Variants in TENM2 observed in about 807,000 individuals in gnomAD.
TENM2 encodes the protein teneurin transmembrane protein 2, also known as teneurin-2.
Under a neutral mutation model 245.2 loss-of-function variants are expected in TENM2, and 52 were observed. The ratio of observed to expected loss-of-function variants is 0.21; its 90% CI spans 0.17 to 0.27. The LOEUF is 0.27. Ranked by LOEUF, TENM2 falls within the 10% of genes least tolerant of loss-of-function variation. The pLI is 1.00. For synonymous variants in TENM2, 1,363 were observed against 1,438.9 expected, an observed-to-expected ratio of 0.95 and a Z score of 1.19; for missense variants, 3,046 against 3,666.8, an observed-to-expected ratio of 0.83 and a Z score of 4.37.
intron 4 of TENM2, among the ~76,000 whole-genome samples, chr5:167,968,934 C>G (rs1290341678): frequency 6.6e-6 from 1 of 152,174 alleles, no homozygotes. Flanking sequence ...TTCTTGTACT[C>G]AGTCATCTTT....
the TENM2 span, among the ~76,000 whole-genome samples, chr5:167,240,870 A>G: frequency 6.6e-6 from 1 of 152,168 alleles, no homozygotes; most frequent in South Asian, 2.1e-4. Context: ...CCTCGTGTCC[A>G]TTCTTGAGCC....
intron 2 of TENM2, among the ~76,000 whole-genome samples, chr5:167,686,737 G>A (rs1455200839): frequency 6.6e-6 from 1 of 152,158 alleles, no homozygotes; most frequent in Admixed American, 6.5e-5. Context: ...GAGGTTTGCT[G>A]GGATGCCTGG....
chr5:167,752,143 G>A (rs1354652011), intron 2 of TENM2, among the ~76,000 whole-genome samples: 1 of 152,018 alleles, frequency 6.6e-6, no homozygotes, highest in Non-Finnish European at 1.5e-5. Flanking sequence ...CACCCAGGCT[G>A]GAGTACAGTG....
At chr5:167,802,970 A>G (rs937667059) in intron 2 of TENM2, among the ~76,000 whole-genome samples, 6 of 152,162 alleles carry the variant, frequency 3.9e-5, no homozygotes, top group Non-Finnish European at 8.8e-5. Context: ...AGAAAATCAA[A>G]TGAGTATTTG....
the TENM2 span, among the ~76,000 whole-genome samples, chr5:167,086,787 A>G: frequency 0.021 from 3,236 of 152,222 alleles, 114 homozygotes; most frequent in African/African-American, 0.073. Flanking sequence ...GGGAGATGAG[A>G]CACTAAAAAA....
At chr5:167,638,143 G>A (rs1779336201) in intron 2 of TENM2, among the ~76,000 whole-genome samples, 2 of 107,580 alleles carry the variant, frequency 1.9e-5, no homozygotes, top group African/African-American at 7.3e-5. Flanking sequence ...GTGTGTGTGT[G>A]TCAGGGGGCA....
intron 6 of TENM2, among the ~76,000 whole-genome samples, chr5:168,052,824 A>C (rs1789224995): frequency 6.6e-6 from 1 of 152,208 alleles, no homozygotes; most frequent in Non-Finnish European, 1.5e-5. Flanking sequence ...CCCTTTGAAA[A>C]AAAAAATTAG....
the TENM2 span, among the ~76,000 whole-genome samples, chr5:167,218,915 C>T: frequency 1.3e-5 from 2 of 152,226 alleles, no homozygotes; most frequent in East Asian, 3.9e-4. Context: ...AGTTGAGGCA[C>T]AGAGAATTGA....
intron 3 of TENM2, among the ~76,000 whole-genome samples, chr5:167,941,918 A>G (rs1779213714): frequency 6.6e-6 from 1 of 150,772 alleles, no homozygotes; most frequent in Non-Finnish European, 1.5e-5. Flanking sequence ...CCAACATCTC[A>G]AAAAACAGGC....
At chr5:167,598,579 C>T (rs1034943903) in intron 2 of TENM2, among the ~76,000 whole-genome samples, 2 of 152,100 alleles carry the variant, frequency 1.3e-5, no homozygotes, top group African/African-American at 4.8e-5. Context: ...TGGGTGACCC[C>T]GTGTTGGAAA....
At chr5:167,070,882 C>G in the TENM2 span, among the ~76,000 whole-genome samples, 1 of 152,270 alleles carries the variant, frequency 6.6e-6, no homozygotes, top group East Asian at 1.9e-4. Flanking sequence ...TGTAGAATAA[C>G]TAAGCACCTA....
In TENM2 at chr5:167,507,113, T is replaced by C. The variant is rs577717895; in HGVS notation, c.502+131640T>C. On this transcript the variant is annotated intron_variant, in intron 2 of 28. Transcript: ENST00000518659. ...TTCTTAAGAATGCAACTATCAACTT[T>C]TATAATGGTAAACCAATTGTAATCT... Among the ~76,000 whole-genome samples the C allele has an allele frequency of 8.0e-4, 122 of 152,306 alleles. 1 individual carries two copies. The highest frequency in any genetic ancestry group is 1.2e-3 in the Non-Finnish European group (84 of 68,020).
chr5:168,152,774 T>C (rs1446041924), intron 12 of TENM2, among the ~76,000 whole-genome samples: 3 of 152,186 alleles, frequency 2.0e-5, no homozygotes, highest in Non-Finnish European at 4.4e-5. Context: ...TCTCTTCTAC[T>C]CGCTGGGTAC....
chr5:168,125,025 C>G lies in TENM2; in HGVS notation c.2184C>G (p.Asn728Lys). Residue 728 changes from asparagine (N) to lysine (K), a missense_variant, in exon 11 of 29, where the codon AAC becomes AAG. By Grantham distance (94) the Asn-to-Lys change is moderately conservative. Transcript: ENST00000518659. ...CGGGCCTCTGCAGCTGCGATCCCAACTGGATGGGTCCCGACTGCTCTGTTG... is the reference window on the plus strand; with the variant it reads ...CGGGCCTCTGCAGCTGCGATCCCAAGTGGATGGGTCCCGACTGCTCTGTTG... 1 of 1,609,184 alleles carries G rather than the reference C, an allele frequency of 6.2e-7. No individual in the cohort carries two copies. Among genetic ancestry groups the G allele is most frequent in the Non-Finnish European group, 8.5e-7 (1 of 1,178,158 alleles).
At chr5:167,380,982 GT>G (rs1761068372) in intron 2 of TENM2, among the ~76,000 whole-genome samples, 1 of 152,054 alleles carries the variant, frequency 6.6e-6, no homozygotes, top group Non-Finnish European at 1.5e-5. Flanking sequence ...GAGAATTAAG[GT>G]CATAAATAAG....
At chr5:168,076,731 C>G (rs1388365713) in intron 7 of TENM2, among the ~76,000 whole-genome samples, 2 of 152,212 alleles carry the variant, frequency 1.3e-5, no homozygotes, top group East Asian at 3.9e-4. Flanking sequence ...TGCAACATAA[C>G]AAGCTTGAGA....
At chr5:167,064,264 C>T in the TENM2 span, among the ~76,000 whole-genome samples, 3 of 152,180 alleles carry the variant, frequency 2.0e-5, no homozygotes, top group Non-Finnish European at 4.4e-5. Context: ...ACAGGCATTT[C>T]CCTTGTCCCG....
In TENM2 at chr5:167,680,377, A is replaced by G. The variant is rs181024932; in HGVS notation, c.503-195609A>G. Among the ~76,000 whole-genome samples, 14 of 152,114 alleles carry G rather than the reference A, an allele frequency of 9.2e-5. No individual in the cohort carries two copies. The East Asian group carries it at 2.7e-3, about 29-fold the overall frequency. ...TTCCAGGTAAAAAGGCATTATAAAG[A>G]CTGGGGGCAAATGAAGGAGTGGTGG... On this transcript the variant is annotated intron_variant, in intron 2 of 28. Transcript: ENST00000518659.
intron 2 of TENM2, among the ~76,000 whole-genome samples, chr5:167,770,140 C>A (rs1582962967): frequency 6.6e-6 from 1 of 152,142 alleles, no homozygotes; most frequent in South Asian, 2.1e-4. Flanking sequence ...CCAGTCCTGG[C>A]TGTGGAAAGA....
Sources: gnomAD v4.1 joint callset for allele counts (sites outside exome capture counted in the v4.1 genomes callset) on GRCh38, gnomAD v4.1.1 for gene constraint, MANE v1.5 for transcripts, NCBI Gene and HGNC (gene_info 2026-07-23, HGNC 2026-07-21) for gene names.